SLC25A18: variants seen among roughly 807,000 people sequenced by gnomAD.
SLC25A18 encodes the protein solute carrier family 25 member 18.
Under a neutral mutation model 31.1 loss-of-function variants are expected in SLC25A18, and 24 were observed. The ratio of observed to expected loss-of-function variants is 0.77; its 90% confidence interval spans 0.56 to 1.08. The LOEUF (loss-of-function observed/expected upper bound fraction) is 1.08, where lower values mean the gene tolerates loss of function less well. Among genes scored for constraint, SLC25A18 ranks in the 50% least tolerant of loss-of-function variants. The probability of loss-of-function intolerance (pLI) is 0.00; values close to 1 mark genes in which losing one functional copy is unlikely to be tolerated. For synonymous variants in SLC25A18, 173 were observed against 161.9 expected (o/e 1.07, Z -0.52); for missense variants, 371 against 418.5 (o/e 0.89, Z 0.99).
In SLC25A18 at chr22:17,571,120, C is replaced by T. The variant is rs561173712; in HGVS notation, c.-201+1134C>T. Among the ~76,000 whole-genome samples, 38 of 152,272 alleles carry T rather than the reference C, an allele frequency of 2.5e-4. 1 individual carries two copies. In the South Asian group the frequency reaches 7.3e-3, roughly 29 times the overall value. ...GAGAGGAAAACCAGGGCAGGTTGTG[C>T]GGGAGTGGGAGCCTGTCCCGAGAGC... is the stretch of plus-strand genomic sequence containing the variant. On this transcript the variant is annotated intron_variant, in intron 2 of 10. Transcript: ENST00000327451.
At chr22:17,571,048 C>T (rs2057074512) in intron 2 of SLC25A18, among the ~76,000 whole-genome samples, 1 of 152,002 alleles carries the variant, frequency 6.6e-6, no homozygotes, top group South Asian at 2.1e-4. Context: ...GACTCGGAAG[C>T]AAGACTGACG....
intron 2 of SLC25A18, 62 bp from the exon 3 acceptor site, chr22:17,579,683 T>TC: frequency 7.9e-7 from 1 of 1,262,958 alleles, no homozygotes; most frequent in Non-Finnish European, 1.0e-6. Flanking sequence ...GCCGCATGAA[T>TC]CCACTAGTGA....
chr22:17,567,641 C>T (rs55996540), intron 1 of SLC25A18, among the ~76,000 whole-genome samples: 3,275 of 64,618 alleles, frequency 0.051, 146 homozygotes, highest in African/African-American at 0.21. Context: ...CAGTGGATCT[C>T]CATTTTACCT....
intron 2 of SLC25A18, among the ~76,000 whole-genome samples, chr22:17,572,057 C>T (rs113659303): frequency 0.014 from 2,044 of 150,714 alleles, 46 homozygotes; most frequent in African/African-American, 0.047. Context: ...TGTGGTGGTG[C>T]GTGCCTGTAA....
intron 1 of SLC25A18, chr22:17,569,609 G>A (rs1167252976): frequency 3.0e-6 from 3 of 985,300 alleles, no homozygotes; most frequent in Non-Finnish European, 2.4e-6. Flanking sequence ...CCAGGTCTCT[G>A]AGTGGGCGGT....
chr22:17,589,301 C>A, intron 9 of SLC25A18: 1 of 301,716 alleles, frequency 3.3e-6, no homozygotes, highest in South Asian at 3.1e-5. Context: ...CTGCCCCAGC[C>A]TCATGAGTAG....
Position 17,584,053 on chromosome 22 carries a change from G to C in SLC25A18, c.409+519G>C, listed in dbSNP as rs556848928. 316 of 984,966 alleles carry C rather than the reference G, an allele frequency of 3.2e-4. 5 individuals are homozygous for C. In the South Asian group the frequency reaches 0.012, roughly 39 times the overall value. 61.0% of individuals were successfully genotyped at this position (984,966 alleles called of 1,614,324 possible). The stretch of plus-strand genomic sequence containing the variant: ...TTCAGAGGGTCAGAAAATACTTAAG[G>C]CTTCTGTCACATTTTCTTCACAATT... On this transcript the variant is annotated intron_variant, in intron 7 of 10. Coordinates refer to ENST00000327451, the MANE Select transcript of SLC25A18 (RefSeq NM_031481.3).
chr22:17,566,067 A>G (rs919405480), intron 1 of SLC25A18, among the ~76,000 whole-genome samples: 2 of 152,144 alleles, frequency 1.3e-5, no homozygotes, highest in Non-Finnish European at 2.9e-5. Context: ...CTCACCAGCA[A>G]GGGTTCCAAT....
intron 1 of SLC25A18, among the ~76,000 whole-genome samples, chr22:17,568,648 G>C (rs2057004887): frequency 7.9e-6 from 1 of 125,798 alleles, no homozygotes; most frequent in Non-Finnish European, 1.6e-5. Context: ...TGCAAGCTCT[G>C]CGTCCCGGAT....
chr22:17,589,886 C>T (rs1255511544), intron 10 of SLC25A18, among the ~76,000 whole-genome samples: 1 of 152,238 alleles, frequency 6.6e-6, no homozygotes, highest in Non-Finnish European at 1.5e-5. Flanking sequence ...CCACATCAAG[C>T]CTGTTTCCAA....
intron 10 of SLC25A18, 52 bp downstream of exon 10, chr22:17,589,717 G>T (rs769297282): frequency 6.4e-7 from 1 of 1,560,796 alleles, no homozygotes; most frequent in South Asian, 1.1e-5. Context: ...CCTCTGCGTG[G>T]GTGTCTGCCT....
chr22:17,566,428 T>TC (rs2056939098), intron 1 of SLC25A18, among the ~76,000 whole-genome samples: 1 of 151,952 alleles, frequency 6.6e-6, no homozygotes, highest in African/African-American at 2.4e-5. Context: ...TTTTTTTTTT[T>TC]CCAACTGGAG....
chr22:17,587,048 C>A, intron 7 of SLC25A18, 88 bp from the exon 8 acceptor site: 1 of 1,467,538 alleles, frequency 6.8e-7, no homozygotes, highest in Non-Finnish European at 9.3e-7. Context: ...CTGAACTGTC[C>A]CAGGGGCAGG....
chr22:17,579,422 G>A (rs913973494), intron 2 of SLC25A18, among the ~76,000 whole-genome samples: 1 of 152,096 alleles, frequency 6.6e-6, no homozygotes, highest in Non-Finnish European at 1.5e-5. Flanking sequence ...TGGACACCAA[G>A]AGAGGGATTC....
chr22:17,589,284 G>A (rs956722060), intron 9 of SLC25A18: 5 of 252,924 alleles, frequency 2.0e-5, no homozygotes, highest in South Asian at 1.3e-4. Context: ...TGGTTCAAGC[G>A]ATTCTCCTGC....
At chr22:17,580,981 C>A in intron 3 of SLC25A18, 56 bp from the exon 4 acceptor site, 1 of 1,501,806 alleles carries the variant, frequency 6.7e-7, no homozygotes, top group South Asian at 1.3e-5. Flanking sequence ...TGCATCCGCT[C>A]CCTAACCTGC....
intron 2 of SLC25A18, among the ~76,000 whole-genome samples, chr22:17,570,558 C>A (rs1359291731): frequency 6.6e-6 from 1 of 152,226 alleles, no homozygotes; most frequent in African/African-American, 2.4e-5. Flanking sequence ...GATGGCGGCT[C>A]ACCGCAACCT....
chr22:17,589,631 G>A lies in SLC25A18; in HGVS notation c.772G>A (p.Glu258Lys), dbSNP rs777831104. Residue 258 changes from glutamate (E) to lysine (K), a missense_variant, in exon 10 of 11, where the codon GAG (glutamate) becomes AAG (lysine). Transcript: ENST00000327451. ...CCAAACCCTCAAGAAAGGCCTGGGCGAGGACATGTACAGTGGGATCACCGA... is the reference window on the plus strand; with the variant it reads ...CCAAACCCTCAAGAAAGGCCTGGGCAAGGACATGTACAGTGGGATCACCGA... The part of the protein sequence containing the change: ...RIQTLKKGLG[E>K]DMYSGITDCA... 29 of 1,613,996 alleles carry A rather than the reference G, an allele frequency of 1.8e-5. No individual in the cohort carries two copies. The highest frequency in any genetic ancestry group is 9.3e-6 in the Non-Finnish European group (11 of 1,180,016).
At chr22:17,582,720 G>T (rs929499791) in intron 6 of SLC25A18, 67 bp downstream of exon 6, 3 of 1,383,404 alleles carry the variant, frequency 2.2e-6, no homozygotes, top group African/African-American at 2.9e-5. Context: ...GCAGGAAGAA[G>T]ATTTCAAATG....
Sources: gnomAD v4.1 joint callset for allele counts (sites outside exome capture counted in the v4.1 genomes callset) on GRCh38, gnomAD v4.1.1 for gene constraint, MANE v1.5 for transcripts, NCBI Gene and HGNC (gene_info 2026-07-23, HGNC 2026-07-21) for gene names.